TNK2: variants seen among roughly 807,000 people sequenced by gnomAD.
The protein encoded by TNK2 is tyrosine kinase non receptor 2.
Under a neutral mutation model 101.8 loss-of-function variants are expected in TNK2, and 83 were observed. The ratio of observed to expected loss-of-function variants is 0.82; its 90% CI spans 0.68 to 0.98. The LOEUF (loss-of-function observed/expected upper bound fraction) is 0.98, where lower values mean the gene tolerates loss of function less well. Ranked by LOEUF, TNK2 falls within the 50% of genes least tolerant of loss-of-function variation. The probability of loss-of-function intolerance (pLI) is 0.00; values close to 1 mark genes in which losing one functional copy is unlikely to be tolerated. For synonymous variants in TNK2, 804 were observed against 633.0 expected (o/e 1.27, Z -4.06); for missense variants, 1,665 against 1,483.2 (o/e 1.12, Z -2.01).
rs777360486 is a variant in TNK2 at position 195,872,502 on chromosome 3, G to A, written c.1257-32C>T. 4.5e-6 allele frequency: 7 copies of A among 1,549,248 alleles called. No homozygotes were observed. The African/African-American group carries it at 9.5e-5, about 21-fold the overall frequency. ...GACAGAGATGGCACGGTGAACGCCA[G>A]GCGTGGCGGGGCAGCCCCGGCACTG... On this transcript the variant is annotated intron_variant, in intron 9 of 15. Transcript: ENST00000672887.
At chr3:195,895,131 G>C (rs547397456) in intron 1 of TNK2, 2 of 998,836 alleles carry the variant, frequency 2.0e-6, no homozygotes, top group African/African-American at 3.4e-5. Context: ...CCTGGCCCAG[G>C]AGCAGACACT....
intron 1 of TNK2, chr3:195,895,324 G>C: frequency 6.4e-7 from 1 of 1,574,776 alleles, no homozygotes; most frequent in Middle Eastern, 1.7e-4. Context: ...CAGCGGCTGC[G>C]GTCAGGGAGA....
chr3:195,887,057 G>A lies in TNK2; in HGVS notation c.164-10C>T. The A allele has an allele frequency of 6.2e-7, 1 of 1,613,424 alleles. No individual in the cohort carries two copies. Among genetic ancestry groups the A allele is most frequent in the Non-Finnish European group, 8.5e-7 (1 of 1,179,626 alleles). ...CACAGCCGCCGCTGGCCTGCAGGGA[G>A]AGCGGGGAACCGCGTGCTGTGAAGG... On this transcript the variant is annotated splice_polypyrimidine_tract_variant and intron_variant, in intron 2 of 15. Coordinates refer to ENST00000672887, the MANE Select transcript of TNK2 (RefSeq NM_001382273.1).
chr3:195,876,831 G>A lies in TNK2; in HGVS notation c.1256+1422C>T, dbSNP rs1026791234. 3.1e-5 allele frequency: 11 copies of A among 359,362 alleles called. 1 individual carries two copies. Among genetic ancestry groups the A allele is most frequent in the African/African-American group, 1.3e-4 (6 of 46,688 alleles). 22.3% of individuals were successfully genotyped at this position (359,362 alleles called of 1,614,324 possible). On this transcript the variant is annotated intron_variant, in intron 9 of 15. Coordinates refer to ENST00000672887, the MANE Select transcript of TNK2 (RefSeq NM_001382273.1). ...CTCCCACTGCCCGCCTTGCCCGGGC[G>A]GTGACCTAAAACACCAGCTCCAGAG... is the stretch of plus-strand genomic sequence containing the variant.
intron 15 of TNK2, among the ~76,000 whole-genome samples, chr3:195,866,494 G>A (rs1249396458): frequency 2.0e-5 from 3 of 152,168 alleles, no homozygotes; most frequent in African/African-American, 4.8e-5. Context: ...GAGCCACGGT[G>A]CCCAGCCAAC....
At position 195,885,440 on chromosome 3, in the gene TNK2, CCA is replaced by C; in HGVS notation, c.235-409_235-408del. 5 of 1,323,888 alleles carry C rather than the reference CCA, an allele frequency of 3.8e-6. No homozygotes were observed. The highest frequency in any genetic ancestry group is 4.0e-6 in the Non-Finnish European group (4 of 1,011,828). The allele number at this position is 1,323,888 out of a possible 1,614,324, so 82.0% of individuals were successfully genotyped here. A position where few individuals can be genotyped will look rare whatever the true frequency, so the allele number is the denominator to read the frequency against. ...GCATCGATGGAGCCGCAGGGGCCCT[CCA>C]CAGACACCTCCTTGTCCATTTTTAG... On this transcript the variant is annotated intron_variant, in intron 3 of 15. Transcript: ENST00000672887. This position sits in a 1 kb window ranked among gnomAD's most constrained non-coding sequence, Gnocchi z 4.7.
chr3:195,906,800 A>C (rs1761768623), intron 1 of TNK2, among the ~76,000 whole-genome samples: 1 of 152,238 alleles, frequency 6.6e-6, no homozygotes, highest in Non-Finnish European at 1.5e-5. Flanking sequence ...GAAACACTGC[A>C]TCTTCTAGAC....
rs1245517474 is a variant in TNK2, at chr3:195,882,344, A to C, written c.610-16T>G. 6.2e-7 allele frequency: 1 copy of C among 1,607,866 alleles called. No homozygotes were observed. Among genetic ancestry groups the C allele is most frequent in the Non-Finnish European group, 8.5e-7 (1 of 1,175,368 alleles). ...GCTCTGTCACCTGAGGCCACGGAGG[A>C]GGCAGGAGGAATGAGCTGGAGGACC... is the stretch of plus-strand genomic sequence containing the variant. On this transcript the variant is annotated splice_polypyrimidine_tract_variant and intron_variant, in intron 5 of 15. Coordinates refer to ENST00000672887, the MANE Select transcript of TNK2 (RefSeq NM_001382273.1). This position sits in a 1 kb window ranked among gnomAD's most constrained non-coding sequence, Gnocchi z 4.2.
Position 195,867,593 on chromosome 3 carries a change from G to T in TNK2, c.2705C>A (p.Pro902His), listed in dbSNP as rs111618622. The T allele has an allele frequency of 3.9e-4, 624 of 1,592,988 alleles. 1 individual carries two copies. In the African/African-American group the frequency reaches 7.2e-3, roughly 18 times the overall value. ...REAQSPEEPT[P>H]LPVPLLLPPP... Reference sequence around the variant, plus strand: ...GGGCAGCAGCAGAGGCACAGGCAGGGGGGTAGGCTCCTCGGGGCTCTGGGC... The same window carrying T: ...GGGCAGCAGCAGAGGCACAGGCAGGTGGGTAGGCTCCTCGGGGCTCTGGGC... The change falls in exon 13 of 16, where the codon CCC (proline) becomes CAC (histidine). Residue 902 changes from proline (P) to histidine (H), a missense_variant. By Grantham distance (77) the Pro-to-His change is moderately conservative (BLOSUM62 -2). Around this residue, in one of 3 missense-constraint regions of TNK2, gnomAD observed 1,136 missense variants for 894.9 expected, o/e 1.27. Coordinates refer to ENST00000672887, the MANE Select transcript of TNK2 (RefSeq NM_001382273.1).
At chr3:195,873,119 G>T (rs1353394840) in intron 9 of TNK2, among the ~76,000 whole-genome samples, 1 of 152,170 alleles carries the variant, frequency 6.6e-6, no homozygotes, top group Non-Finnish European at 1.5e-5. Flanking sequence ...CGGAAGGCCT[G>T]CGGGAGCCTC....
intron 1 of TNK2, among the ~76,000 whole-genome samples, chr3:195,893,272 T>C (rs540184355): frequency 2.0e-5 from 3 of 150,880 alleles, no homozygotes; most frequent in Non-Finnish European, 4.4e-5. Context: ...CCGACGGAAA[T>C]AGGCGGCCGG....
chr3:195,892,999 C>T (rs1053230822), intron 1 of TNK2, among the ~76,000 whole-genome samples: 8 of 152,006 alleles, frequency 5.3e-5, no homozygotes, highest in Non-Finnish European at 8.8e-5. Flanking sequence ...CTACCCCAGC[C>T]CTCACAGTTG....
Position 195,868,133 on chromosome 3 carries a change from A to T in TNK2, c.2165T>A (p.Phe722Tyr). 1 of 1,611,576 alleles carries T rather than the reference A, an allele frequency of 6.2e-7. No homozygotes were observed. Among genetic ancestry groups the T allele is most frequent in the Non-Finnish European group, 8.5e-7 (1 of 1,179,470 alleles). Residue 722 changes from phenylalanine (F) to tyrosine (Y), a missense_variant, in exon 13 of 16, where the codon TTC becomes TAC. This residue lies in a region of TNK2 where 1,136 missense variants were observed against 894.9 expected (regional missense o/e 1.27). Transcript: ENST00000672887. ...CATGCACTCCTGCTGTAGCGCCTGGAAGATCTCTGCGGTCTGTGCGGAGCT... is the reference window on the plus strand; with the variant it reads ...CATGCACTCCTGCTGTAGCGCCTGGTAGATCTCTGCGGTCTGTGCGGAGCT... The part of the protein sequence containing the change: ...PPSSAQTAEI[F>Y]QALQQECMRQ...
In TNK2 at chr3:195,876,699, C is replaced by A. The variant is rs763187092; in HGVS notation, c.1256+1554G>T. 61 of 451,180 alleles carry A rather than the reference C, an allele frequency of 1.4e-4. 1 individual carries two copies. Among genetic ancestry groups the A allele is most frequent in the Non-Finnish European group, 2.2e-5 (5 of 224,852 alleles). The allele number at this position is 451,180 out of a possible 1,614,324, so 27.9% of individuals were successfully genotyped here. A position where few individuals can be genotyped will look rare whatever the true frequency, so the allele number is the denominator to read the frequency against. ...GGGGGAAGGAGCCCCCAGAGCCCCA[C>A]CAGCAGCAGCCACAGGGAACCAGCG... On this transcript the variant is annotated intron_variant, in intron 9 of 15. Coordinates refer to ENST00000672887, the MANE Select transcript of TNK2 (RefSeq NM_001382273.1).
rs980017130 is a variant in TNK2, at chr3:195,868,675, G to A, written c.1623C>T (p.Asp541=). The A allele has an allele frequency of 5.7e-6, 9 of 1,592,672 alleles. No homozygotes were observed. The highest frequency in any genetic ancestry group is 2.3e-5 in the East Asian group (1 of 44,244). The change falls in exon 13 of 16, where the codon GAC becomes GAT. Residue 541 remains aspartate (D), a synonymous_variant. Transcript: ENST00000672887. ...PTYDPVSEDQ[D]PLSSDFKRLG... The stretch of plus-strand genomic sequence containing the variant: ...GCCTCTTGAAGTCGCTGGACAAGGG[G>A]TCTTGGTCCTCGCTCACAGGGTCAT...
Position 195,869,451 on chromosome 3 carries a change from AGGGGGC to A in TNK2, c.1588+40_1588+45del, listed in dbSNP as rs761712115. The A allele has an allele frequency of 6.1e-5, 90 of 1,465,826 alleles. No homozygotes were observed. The African/African-American group carries it at 9.5e-4, about 15-fold the overall frequency. 90.8% of individuals were successfully genotyped at this position (1,465,826 alleles called of 1,614,324 possible). A position where few individuals can be genotyped will look rare whatever the true frequency, so the allele number is the denominator to read the frequency against. ...ACCTTCCAGGAGAGGAGTGAGAGAG[AGGGGGC>A]GGGGGCGGGGGCCAAGGCATCGGAA... On this transcript the variant is annotated intron_variant, in intron 12 of 15. Coordinates refer to ENST00000672887, the MANE Select transcript of TNK2 (RefSeq NM_001382273.1).
intron 2 of TNK2, among the ~76,000 whole-genome samples, chr3:195,887,376 G>A (rs1201019901): frequency 2.0e-5 from 3 of 152,290 alleles, no homozygotes; most frequent in Non-Finnish European, 2.9e-5. Context: ...TTATGCTACT[G>A]GCATCAGACA....
chr3:195,890,289 G>T (rs1422167014), intron 1 of TNK2, among the ~76,000 whole-genome samples: 3 of 152,158 alleles, frequency 2.0e-5, no homozygotes, highest in Non-Finnish European at 4.4e-5. Context: ...GACATTCAGT[G>T]GGTGGTTGGG....
At chr3:195,896,102 G>T (rs1227916647) in intron 1 of TNK2, 3 of 455,652 alleles carry the variant, frequency 6.6e-6, no homozygotes, top group African/African-American at 6.0e-5. Context: ...CTGCTCAAAA[G>T]CCGCCCAACA....
Sources: allele counts gnomAD v4.1 joint callset (sites outside exome capture counted in the v4.1 genomes callset), GRCh38; gene constraint gnomAD v4.1.1; regional missense constraint gnomAD v4.1.1; non-coding constraint Gnocchi (gnomAD v3.1); transcripts MANE v1.5; gene names NCBI Gene and HGNC (gene_info 2026-07-23, HGNC 2026-07-21).